The following WDR4 variants were observed in gnomAD, a reference collection of about 807,000 sequenced individuals.
The protein encoded by WDR4 is WDR4 tRNA N7-guanosine methyltransferase non-catalytic subunit.
In WDR4, 47 loss-of-function variants were observed where a neutral mutation model predicts 48.6. The ratio of observed to expected loss-of-function variants is 0.97; its 90% CI spans 0.77 to 1.23. The LOEUF is 1.23. Among genes scored for constraint, WDR4 ranks in the 50% most tolerant of loss-of-function variants. The probability of loss-of-function intolerance (pLI) is 0.00; values close to 1 mark genes in which losing one functional copy is unlikely to be tolerated. For missense variants in WDR4, 606 were observed against 551.6 expected, an observed-to-expected ratio of 1.10 and a Z score of -0.99; for synonymous variants, 268 against 230.0, an observed-to-expected ratio of 1.17 and a Z score of -1.49.
the WDR4 span, among the ~76,000 whole-genome samples, chr21:42,892,760 G>A: frequency 1.3e-5 from 2 of 152,348 alleles, no homozygotes; most frequent in Middle Eastern, 3.4e-3. Context: ...TCTGGTATTA[G>A]CGTTGGCAGG....
At chr21:42,861,673 G>A (rs1450203022) in intron 5 of WDR4, among the ~76,000 whole-genome samples, 1 of 152,196 alleles carries the variant, frequency 6.6e-6, no homozygotes, top group African/African-American at 2.4e-5. Context: ...ATCAAAACCA[G>A]GAAAACACAG....
chr21:42,847,536 T>C (rs1160419876), downstream of WDR4, among the ~76,000 whole-genome samples: 1 of 151,930 alleles, frequency 6.6e-6, no homozygotes, highest in Non-Finnish European at 1.5e-5. Flanking sequence ...AGCCTCAGAG[T>C]AGCCCCGCGG....
chr21:42,886,629 G>A, the WDR4 span, among the ~76,000 whole-genome samples: 1 of 152,200 alleles, frequency 6.6e-6, no homozygotes, highest in East Asian at 1.9e-4. Flanking sequence ...TATATTCCCA[G>A]CCTTTTGGGG....
downstream of WDR4, chr21:42,849,131 C>CCCCA (rs1555970311): frequency 1.6e-5 from 2 of 124,272 alleles, no homozygotes; most frequent in Admixed American, 7.7e-5. Flanking sequence ...GCGGCGCGCA[C>CCCCA]CTCACACAGC....
rs947538828 is a variant in WDR4 at position 42,879,081 on chromosome 21, A to C, written c.89+326T>G. On this transcript the variant is annotated intron_variant, in intron 1 of 10. Transcript: ENST00000398208. ...TGGTCAGCGTCGCCCCACGTGCTCT[A>C]CCTACCCGGTCCCCGCCGGCGCCGC... 2.6e-6 allele frequency: 3 copies of C among 1,149,438 alleles called. No individual in the cohort carries two copies. The African/African-American group carries it at 4.9e-5, about 19-fold the overall frequency. 71.2% of individuals were successfully genotyped at this position (1,149,438 alleles called of 1,614,324 possible).
chr21:42,864,349 G>A (rs963180410), intron 3 of WDR4, among the ~76,000 whole-genome samples: 2 of 152,012 alleles, frequency 1.3e-5, no homozygotes, highest in Admixed American at 1.3e-4. Context: ...GCAGGCACCA[G>A]TCTCCAGGGC....
At position 42,875,140 on chromosome 21, in the gene WDR4, A is replaced by G. The variant is rs550686845; in HGVS notation, c.156-1449T>C. On this transcript the variant is annotated intron_variant, in intron 2 of 10. Transcript: ENST00000398208. ...AAATATCGGGGGTGAATTTTGCCCA[A>G]TATCTGGCTGAATTTCCCCCAATAC... Among the ~76,000 whole-genome samples the G allele has an allele frequency of 3.0e-4, 45 of 152,278 alleles. 1 individual carries two copies. Among genetic ancestry groups the G allele is most frequent in the Middle Eastern group, 3.4e-3 (1 of 294 alleles).
At chr21:42,892,004 A>T in the WDR4 span, among the ~76,000 whole-genome samples, 5 of 150,716 alleles carry the variant, frequency 3.3e-5, no homozygotes, top group African/African-American at 4.9e-5. Context: ...CTGTAATCCC[A>T]GGGCTTTGGG....
intron 8 of WDR4, 107 bp downstream of exon 8, chr21:42,854,455 C>G (rs2146010290): frequency 1.8e-6 from 2 of 1,135,492 alleles, no homozygotes; most frequent in Non-Finnish European, 2.5e-6. Flanking sequence ...AATACCACCA[C>G]CGTTCAGGAC....
At chr21:42,859,564 G>GCCAGCGATCCACAGGGA in intron 6 of WDR4, 98 bp downstream of exon 6, 2 of 1,355,504 alleles carry the variant, frequency 1.5e-6, no homozygotes, top group Non-Finnish European at 2.0e-6. Context: ...CCAGCCAGGG[G>GCCAGCGATCCACAGGGA]CCAGCGATCC....
chr21:42,879,870 A>C (rs1023105955), upstream of WDR4: 1 of 401,548 alleles, frequency 2.5e-6, no homozygotes, highest in Non-Finnish European at 4.4e-6. Context: ...TGCCTGGTAA[A>C]TGATCCTTCA....
At chr21:42,869,952 G>A (rs1274325006) in intron 3 of WDR4, among the ~76,000 whole-genome samples, 1 of 151,532 alleles carries the variant, frequency 6.6e-6, no homozygotes, top group Non-Finnish European at 1.5e-5. Flanking sequence ...GGCGGAGGTT[G>A]CAGTGAGCCT....
intron 4 of WDR4, among the ~76,000 whole-genome samples, chr21:42,863,017 C>T (rs909643691): frequency 6.6e-6 from 1 of 152,164 alleles, no homozygotes; most frequent in Non-Finnish European, 1.5e-5. Context: ...GCACAGCTCC[C>T]GGCCAAGGAG....
downstream of WDR4, among the ~76,000 whole-genome samples, chr21:42,847,143 T>A (rs1433521087): frequency 1.3e-5 from 2 of 151,578 alleles, no homozygotes; most frequent in African/African-American, 4.9e-5. Flanking sequence ...ACTAAAAAAA[T>A]AACGGAAGAG....
the WDR4 span, among the ~76,000 whole-genome samples, chr21:42,891,327 C>CA: frequency 0.029 from 3,529 of 123,710 alleles, 135 homozygotes; most frequent in African/African-American, 0.094. Context: ...GATTCTGTCT[C>CA]AAAAAAAAAA....
intron 3 of WDR4, among the ~76,000 whole-genome samples, chr21:42,864,436 CAG>C (rs1318844359): frequency 1.3e-5 from 2 of 152,180 alleles, no homozygotes; most frequent in Admixed American, 6.5e-5. Context: ...GAGCCTCAGA[CAG>C]AGAGCCGTGC....
intron 1 of WDR4, 53 bp from the exon 2 acceptor site, chr21:42,876,820 C>T (rs1016212309): frequency 7.2e-7 from 1 of 1,383,170 alleles, no homozygotes; most frequent in African/African-American, 1.5e-5. Flanking sequence ...AGAGAAATAA[C>T]AAATTTTTTT....
intron 6 of WDR4, among the ~76,000 whole-genome samples, chr21:42,856,517 G>A (rs534751989): frequency 2.7e-4 from 41 of 151,968 alleles, no homozygotes; most frequent in African/African-American, 8.9e-4. Context: ...CAATCCTCCC[G>A]CCTCAGCCTC....
chr21:42,854,723 C>G (rs566709496), intron 7 of WDR4, 97 bp from the exon 8 acceptor site: 14 of 1,129,954 alleles, frequency 1.2e-5, no homozygotes, highest in Admixed American at 1.0e-4. Context: ...GACGCTCACG[C>G]CCCCACATAT....
Sources: allele counts gnomAD v4.1 joint callset (sites outside exome capture counted in the v4.1 genomes callset), GRCh38; gene constraint gnomAD v4.1.1; transcripts MANE v1.5; gene names NCBI Gene and HGNC (gene_info 2026-07-23, HGNC 2026-07-21).